COL14A1: variants seen among roughly 807,000 people sequenced by gnomAD.
The protein encoded by COL14A1 is collagen alpha-1(XIV) chain.
In COL14A1, 136 loss-of-function variants were observed where a neutral mutation model predicts 230.3. The ratio of observed to expected loss-of-function variants is 0.59; its 90% CI spans 0.51 to 0.68. The LOEUF is 0.68. Ranked by LOEUF, COL14A1 falls within the 30% of genes least tolerant of loss-of-function variation. COL14A1 has a pLI of 0.00. For synonymous variants in COL14A1, 792 were observed against 784.1 expected (o/e 1.01, Z -0.17); for missense variants, 1,976 against 2,215.8 (o/e 0.89, Z 2.17).
At chr8:120,230,350 GT>G (rs1299356420) in intron 18 of COL14A1, among the ~76,000 whole-genome samples, 1 of 152,078 alleles carries the variant, frequency 6.6e-6, no homozygotes, top group East Asian at 1.9e-4. Context: ...TAAAACACAA[GT>G]TTGATAATAT....
At position 120,151,547 on chromosome 8, in the gene COL14A1, C is replaced by T. The variant is rs181738382; in HGVS notation, c.88+3617C>T. ...CCCAGCTGCTCAGGAGGCTGAGGCA[C>T]GAGAATTGCCTGAACCTGGGAGGTG... On this transcript the variant is annotated intron_variant, in intron 2 of 47. Coordinates refer to ENST00000297848, the MANE Select transcript of COL14A1 (RefSeq NM_021110.4). Among the ~76,000 whole-genome samples the T allele has an allele frequency of 5.6e-4, 80 of 141,702 alleles. No homozygotes were observed. The East Asian group carries it at 0.016, about 29-fold the overall frequency. The allele number at this position is 141,702 out of a possible 152,430, so 93.0% of individuals were successfully genotyped here. A position where few individuals can be genotyped will look rare whatever the true frequency, so the allele number is the denominator to read the frequency against.
In COL14A1 at chr8:120,129,873, G is replaced by T. The variant is rs554627364; in HGVS notation, c.-38+4533G>T. On this transcript the variant is annotated intron_variant, in intron 1 of 47. Coordinates refer to ENST00000297848, the MANE Select transcript of COL14A1 (RefSeq NM_021110.4). ...TTAAATCAATCAATATTTACTGATTGCCTATGTGTGTTGAACTTTCTTGAA... is the reference window on the plus strand; with the variant it reads ...TTAAATCAATCAATATTTACTGATTTCCTATGTGTGTTGAACTTTCTTGAA... 3.9e-4 allele frequency among the ~76,000 whole-genome samples: 60 copies of T among 152,304 alleles called. 1 individual carries two copies. In the Middle Eastern group the frequency reaches 0.027, roughly 70 times the overall value.
intron 45 of COL14A1, among the ~76,000 whole-genome samples, chr8:120,362,287 T>C (rs1162066532): frequency 6.6e-6 from 1 of 152,208 alleles, no homozygotes; most frequent in Non-Finnish European, 1.5e-5. Flanking sequence ...GCCTGCCCTC[T>C]TGGCTCATGT....
chr8:120,160,275 A>C (rs946184116), intron 3 of COL14A1, among the ~76,000 whole-genome samples: 6 of 152,170 alleles, frequency 3.9e-5, no homozygotes, highest in Non-Finnish European at 4.4e-5. Flanking sequence ...GTCAAAATAC[A>C]AGTTACTATT....
At chr8:120,206,212 T>C (rs573939513) in intron 9 of COL14A1, among the ~76,000 whole-genome samples, 1 of 152,326 alleles carries the variant, frequency 6.6e-6, no homozygotes, top group South Asian at 2.1e-4. Flanking sequence ...GTTAGCTAAC[T>C]TCACTGTGCA....
chr8:120,136,422 G>C (rs1350027748), intron 1 of COL14A1, among the ~76,000 whole-genome samples: 1 of 151,686 alleles, frequency 6.6e-6, no homozygotes, highest in Non-Finnish European at 1.5e-5. Flanking sequence ...TAAATGATTA[G>C]TGGATATTAT....
In COL14A1 at chr8:120,289,682, C is replaced by T. The variant is rs77031072; in HGVS notation, c.4152C>T (p.Asn1384=). ...DCKQVGEKAM[N]ASANITSDGV... ...AGCAAGTGGGTGAGAAGGCAATGAA[C>T]GCATCAGCTAATATCACGTCAGATG... The change falls in exon 34 of 48, where the codon AAC becomes AAT. Residue 1384 remains asparagine, a synonymous_variant. Coordinates refer to ENST00000297848, the MANE Select transcript of COL14A1 (RefSeq NM_021110.4). The T allele has an allele frequency of 2.5e-4, 403 of 1,613,978 alleles. 1 individual carries two copies. The African/African-American group carries it at 3.8e-3, about 15-fold the overall frequency.
intron 14 of COL14A1, among the ~76,000 whole-genome samples, chr8:120,217,132 G>C (rs1306521213): frequency 6.6e-6 from 1 of 152,126 alleles, no homozygotes; most frequent in East Asian, 1.9e-4. Flanking sequence ...AGGGGATGGG[G>C]GTGGGGAAGG....
At chr8:120,283,814 A>C in intron 32 of COL14A1, 36 bp downstream of exon 32, 1 of 1,561,768 alleles carries the variant, frequency 6.4e-7, no homozygotes, top group Non-Finnish European at 8.7e-7. Flanking sequence ...TCACATATAC[A>C]TGTATGAGTA....
At chr8:120,367,026 T>G (rs1823425825) in intron 45 of COL14A1, 145 bp from the exon 46 acceptor site, 1 of 577,008 alleles carries the variant, frequency 1.7e-6, no homozygotes, top group Non-Finnish European at 3.1e-6. Context: ...GAATGTAATT[T>G]AAAAGTCCCA....
intron 37 of COL14A1, among the ~76,000 whole-genome samples, chr8:120,311,102 T>C (rs1174320431): frequency 1.3e-5 from 2 of 152,334 alleles, no homozygotes; most frequent in East Asian, 3.9e-4. Context: ...GAAAGAAGGC[T>C]AAAGACAATT....
At chr8:120,247,575 A>G in intron 20 of COL14A1, 38 bp from the exon 21 acceptor site, 1 of 1,593,392 alleles carries the variant, frequency 6.3e-7, no homozygotes, top group Non-Finnish European at 8.6e-7. Context: ...GAAGGAAATT[A>G]CACTGAATCC....
chr8:120,127,536 C>A (rs1814383998), intron 1 of COL14A1, among the ~76,000 whole-genome samples: 1 of 152,162 alleles, frequency 6.6e-6, no homozygotes, highest in Non-Finnish European at 1.5e-5. Flanking sequence ...CTCTTGGGGC[C>A]CTCCACGCAT....
chr8:120,275,781 A>T (rs1819819945), intron 26 of COL14A1, among the ~76,000 whole-genome samples: 1 of 152,068 alleles, frequency 6.6e-6, no homozygotes, highest in African/African-American at 2.4e-5. Context: ...CCACAATGAG[A>T]TACCTCCTTG....
rs1463177085 is a variant in COL14A1 at position 120,158,315 on chromosome 8, AGTGCCAAGCATTGT to A, written c.205+72_205+85del. 3.5e-6 allele frequency: 3 copies of A among 868,054 alleles called. No homozygotes were observed. In the African/African-American group the frequency reaches 5.0e-5, roughly 15 times the overall value. 53.8% of individuals were successfully genotyped at this position (868,054 alleles called of 1,614,324 possible). The stretch of plus-strand genomic sequence containing the variant: ...CATGCATAGGCAACTAAAAACATGT[AGTGCCAAGCATTGT>A]GTTAGGATTTTTTGGAAGCTTTTGG... On this transcript the variant is annotated intron_variant, in intron 3 of 47. Coordinates refer to ENST00000297848, the MANE Select transcript of COL14A1 (RefSeq NM_021110.4).
intron 38 of COL14A1, among the ~76,000 whole-genome samples, chr8:120,315,061 T>A (rs1452895328): frequency 6.6e-6 from 1 of 152,118 alleles, no homozygotes; most frequent in Non-Finnish European, 1.5e-5. Context: ...TGGCATAACA[T>A]ATGTGGAAAG....
At chr8:120,306,527 T>C (rs568247834) in intron 36 of COL14A1, among the ~76,000 whole-genome samples, 1 of 152,220 alleles carries the variant, frequency 6.6e-6, no homozygotes, top group Non-Finnish European at 1.5e-5. Flanking sequence ...TTAATTGTTT[T>C]CTCATTCATG....
intron 42 of COL14A1, among the ~76,000 whole-genome samples, chr8:120,339,378 A>T (rs568080607): frequency 6.6e-6 from 1 of 152,354 alleles, no homozygotes; most frequent in Non-Finnish European, 1.5e-5. Context: ...CAGCCACACT[A>T]CATCCTCAGA....
At chr8:120,183,286 G>T (rs1816535206) in intron 5 of COL14A1, among the ~76,000 whole-genome samples, 2 of 152,110 alleles carry the variant, frequency 1.3e-5, no homozygotes, top group Admixed American at 1.3e-4. Context: ...AACAGTTTAG[G>T]CTTAATTTGG....
Sources: gnomAD v4.1 joint callset for allele counts (sites outside exome capture counted in the v4.1 genomes callset) on GRCh38, gnomAD v4.1.1 for gene constraint, MANE v1.5 for transcripts, NCBI Gene and HGNC (gene_info 2026-07-23, HGNC 2026-07-21) for gene names.